Variants in CALHM5 observed in about 807,000 individuals in gnomAD.
CALHM5 encodes calcium homeostasis modulator protein 5.
In CALHM5, 17 loss-of-function variants were observed where a neutral mutation model predicts 20.9. The ratio of observed to expected loss-of-function variants is 0.82; its 90% CI spans 0.56 to 1.22. CALHM5 has a LOEUF of 1.22. Among genes scored for constraint, CALHM5 ranks in the 50% most tolerant of loss-of-function variants. CALHM5 has a pLI of 0.00. For missense variants in CALHM5, 360 were observed against 364.6 expected (o/e 0.99, Z 0.10); for synonymous variants, 148 against 140.0 (o/e 1.06, Z -0.40).
chr6:116,515,498 A>G (rs1772203878), intron 1 of CALHM5, 102 bp from the exon 2 acceptor site: 2 of 1,248,120 alleles, frequency 1.6e-6, no homozygotes, highest in Admixed American at 2.3e-5. Context: ...GAGGTATGTC[A>G]AAGACTGTGG....
intron 1 of CALHM5, among the ~76,000 whole-genome samples, chr6:116,514,519 A>G (rs62424360): frequency 0.07 from 10,706 of 152,268 alleles, 441 homozygotes; most frequent in Admixed American, 0.14. Flanking sequence ...TGTGTCCAGT[A>G]TCATTTCATT....
Position 116,515,736 on chromosome 6 carries a change from T to C in CALHM5, c.677T>C (p.Leu226Ser). The change falls in exon 2 of 2, where the codon TTG becomes TCG. Residue 226 changes from leucine to serine, a missense_variant. By Grantham distance (145) the Leu-to-Ser change is moderately radical (BLOSUM62 -2). Transcript: ENST00000368599. The part of the protein sequence containing the change: ...KTYAQKEKEQ[L>S]ENTFLDYANK... The stretch of plus-strand genomic sequence containing the variant: ...TATGCACAAAAGGAGAAGGAGCAGT[T>C]GGAAAATACATTTCTGGACTATGCC... 1 of 1,614,014 alleles carries C rather than the reference T, an allele frequency of 6.2e-7. No homozygotes were observed. The highest frequency in any genetic ancestry group is 8.5e-7 in the Non-Finnish European group (1 of 1,179,938).
At position 116,516,051 on chromosome 6, in the gene CALHM5, G is replaced by A. The variant is rs1308753365; in HGVS notation, c.*62G>A. Reference sequence around the variant, plus strand: ...ATGCTCATTCTGTGATCCTCCTAACGTATCACCAGCAACCTGTGTGTCTCT... The same window carrying A: ...ATGCTCATTCTGTGATCCTCCTAACATATCACCAGCAACCTGTGTGTCTCT... On this transcript the variant is annotated 3_prime_UTR_variant, in exon 2 of 2. Transcript: ENST00000368599. 41 of 1,503,142 alleles carry A rather than the reference G, an allele frequency of 2.7e-5. No homozygotes were observed. Among genetic ancestry groups the A allele is most frequent in the African/African-American group, 1.4e-4 (10 of 71,810 alleles). 93.1% of individuals were successfully genotyped at this position (1,503,142 alleles called of 1,614,324 possible).
chr6:116,521,834 C>T lies in CALHM5; in HGVS notation c.*5845C>T, dbSNP rs1772348924. The T allele has an allele frequency of 6.6e-6, 1 of 152,126 alleles. No homozygotes were observed. The highest frequency in any genetic ancestry group is 6.5e-5 in the Admixed American group (1 of 15,270). The allele number at this position is 152,126 out of a possible 1,614,324, so 9.4% of individuals were successfully genotyped here. A position where few individuals can be genotyped will look rare whatever the true frequency, so the allele number is the denominator to read the frequency against. On this transcript the variant is annotated 3_prime_UTR_variant, in exon 2 of 2. Transcript: ENST00000368599. ...CGTGTTATCCTCACTTTGAATCTGACCTTATGAACCAATAAAATATGGCAG... is the reference window on the plus strand; with the variant it reads ...CGTGTTATCCTCACTTTGAATCTGATCTTATGAACCAATAAAATATGGCAG...
rs1235560543 is a variant in CALHM5 at position 116,522,287 on chromosome 6, T to C, written c.*6298T>C. ...GCTTTGTAGAGAAGTCCTTGCCATG[T>C]CCTATCCAACTCCATGACCCCAAAA... On this transcript the variant is annotated 3_prime_UTR_variant, in exon 2 of 2. Coordinates refer to ENST00000368599, the MANE Select transcript of CALHM5 (RefSeq NM_153711.5). The C allele has an allele frequency of 6.6e-6, 1 of 152,224 alleles. No individual in the cohort carries two copies. The highest frequency in any genetic ancestry group is 1.5e-5 in the Non-Finnish European group (1 of 68,044). The allele number at this position is 152,224 out of a possible 1,614,324, so 9.4% of individuals were successfully genotyped here. A position where few individuals can be genotyped will look rare whatever the true frequency, so the allele number is the denominator to read the frequency against.
rs566879788 is a variant in CALHM5, at chr6:116,520,746, G to C, written c.*4757G>C. ...GAGTCAGTGAAGGTGGTGAGGGGCT[G>C]TGAGGTTGAAATATTGGAAATGTTA... On this transcript the variant is annotated 3_prime_UTR_variant, in exon 2 of 2. Coordinates refer to ENST00000368599, the MANE Select transcript of CALHM5 (RefSeq NM_153711.5). The C allele has an allele frequency of 1.3e-5, 2 of 152,504 alleles. No homozygotes were observed. Among genetic ancestry groups the C allele is most frequent in the Admixed American group, 1.3e-4 (2 of 15,270 alleles). 9.4% of individuals were successfully genotyped at this position (152,504 alleles called of 1,614,324 possible). A position where few individuals can be genotyped will look rare whatever the true frequency, so the allele number is the denominator to read the frequency against.
In CALHM5 at chr6:116,520,148, T is replaced by G. The variant is rs1487167168; in HGVS notation, c.*4159T>G. On this transcript the variant is annotated 3_prime_UTR_variant, in exon 2 of 2. Transcript: ENST00000368599. Reference sequence around the variant, plus strand: ...ATTTAATGAGAAAACGATGACATTATTGATTCAAATTAGTTGTTTCAAAGC... The same window carrying G: ...ATTTAATGAGAAAACGATGACATTAGTGATTCAAATTAGTTGTTTCAAAGC... 1 of 152,192 alleles carries G rather than the reference T, an allele frequency of 6.6e-6. No individual in the cohort carries two copies. The highest frequency in any genetic ancestry group is 1.5e-5 in the Non-Finnish European group (1 of 68,032). 9.4% of individuals were successfully genotyped at this position (152,192 alleles called of 1,614,324 possible). A position where few individuals can be genotyped will look rare whatever the true frequency, so the allele number is the denominator to read the frequency against.
chr6:116,513,720 C>T (rs931617644), intron 1 of CALHM5, among the ~76,000 whole-genome samples: 1 of 152,130 alleles, frequency 6.6e-6, no homozygotes, highest in African/African-American at 2.4e-5. Flanking sequence ...TAGTCCAGAC[C>T]AACAATAGGT....
At position 116,515,659 on chromosome 6, in the gene CALHM5, T is replaced by TCG; in HGVS notation, c.600_601insCG (p.Ala201ArgfsTer13). Reference sequence around the variant, plus strand: ...TCTTCTCTCTGCTCACCACATGTTATGCTCGCTGCCGATCTAAAGTTAGCT... The same window carrying TCG: ...TCTTCTCTCTGCTCACCACATGTTATCGGCTCGCTGCCGATCTAAAGTTAGCT... On this transcript the variant is annotated frameshift_variant, in exon 2 of 2. Transcript: ENST00000368599. LOFTEE classifies it high-confidence loss of function. 1.2e-6 allele frequency: 2 copies of TCG among 1,614,054 alleles called. No homozygotes were observed. Among genetic ancestry groups the TCG allele is most frequent in the Non-Finnish European group, 1.7e-6 (2 of 1,179,936 alleles).
At position 116,523,262 on chromosome 6, in the gene CALHM5, T is replaced by C. The variant is rs1473964529; in HGVS notation, c.*7273T>C. 6.6e-6 allele frequency: 1 copy of C among 152,216 alleles called. No homozygotes were observed. Among genetic ancestry groups the C allele is most frequent in the East Asian group, 1.9e-4 (1 of 5,188 alleles). 9.4% of individuals were successfully genotyped at this position (152,216 alleles called of 1,614,324 possible). A position where few individuals can be genotyped will look rare whatever the true frequency, so the allele number is the denominator to read the frequency against. ...CCATTCATTCAAGGATACCTTTCTA[T>C]TCATTCAAGGATATATTTTGTCCTT... is the stretch of plus-strand genomic sequence containing the variant. On this transcript the variant is annotated 3_prime_UTR_variant, in exon 2 of 2. Transcript: ENST00000368599.
At position 116,521,684 on chromosome 6, in the gene CALHM5, T is replaced by C. The variant is rs1219351550; in HGVS notation, c.*5695T>C. 6.6e-6 allele frequency: 1 copy of C among 152,158 alleles called. No individual in the cohort carries two copies. Among genetic ancestry groups the C allele is most frequent in the Admixed American group, 6.5e-5 (1 of 15,272 alleles). 9.4% of individuals were successfully genotyped at this position (152,158 alleles called of 1,614,324 possible). ...TTTTTTGGAAACACCCCTACATACATACCCAGAAATAATGCTTTAATAACT... is the reference window on the plus strand; with the variant it reads ...TTTTTTGGAAACACCCCTACATACACACCCAGAAATAATGCTTTAATAACT... On this transcript the variant is annotated 3_prime_UTR_variant, in exon 2 of 2. Transcript: ENST00000368599.
chr6:116,511,798 T>C lies in CALHM5; in HGVS notation c.102T>C (p.Phe34=). The part of the protein sequence containing the change: ...ALLTVGSERL[F]SVVAFKCPCS... ...TGACCGTGGGAAGTGAGCGTCTCTT[T>C]TCTGTTGTGGCTTTTAAGTGCCCCT... The change falls in exon 1 of 2, where the codon TTT becomes TTC. Residue 34 remains phenylalanine, a synonymous_variant. Transcript: ENST00000368599. 1 of 1,614,032 alleles carries C rather than the reference T, an allele frequency of 6.2e-7. No homozygotes were observed. Among genetic ancestry groups the C allele is most frequent in the Non-Finnish European group, 8.5e-7 (1 of 1,179,974 alleles).
At chr6:116,513,288 G>T (rs938842660) in intron 1 of CALHM5, among the ~76,000 whole-genome samples, 1 of 152,124 alleles carries the variant, frequency 6.6e-6, no homozygotes, top group Non-Finnish European at 1.5e-5. Flanking sequence ...TTCATAAATT[G>T]ATAAGTCAAA....
At position 116,523,174 on chromosome 6, in the gene CALHM5, C is replaced by A. The variant is rs1432954846; in HGVS notation, c.*7185C>A. The A allele has an allele frequency of 1.3e-5, 2 of 152,070 alleles. No individual in the cohort carries two copies. The highest frequency in any genetic ancestry group is 4.8e-5 in the African/African-American group (2 of 41,402). 9.4% of individuals were successfully genotyped at this position (152,070 alleles called of 1,614,324 possible). On this transcript the variant is annotated 3_prime_UTR_variant, in exon 2 of 2. Coordinates refer to ENST00000368599, the MANE Select transcript of CALHM5 (RefSeq NM_153711.5). ...GGCAGGCTGTAAGAAACTCAGAATC[C>A]TGGCCTGCACTCCAGATCTACTGAA...
At position 116,519,032 on chromosome 6, in the gene CALHM5, A is replaced by C. The variant is rs1289640940; in HGVS notation, c.*3043A>C. The C allele has an allele frequency of 6.6e-6, 1 of 152,250 alleles. No homozygotes were observed. Among genetic ancestry groups the C allele is most frequent in the East Asian group, 1.9e-4 (1 of 5,198 alleles). 9.4% of individuals were successfully genotyped at this position (152,250 alleles called of 1,614,324 possible). A position where few individuals can be genotyped will look rare whatever the true frequency, so the allele number is the denominator to read the frequency against. On this transcript the variant is annotated 3_prime_UTR_variant, in exon 2 of 2. Coordinates refer to ENST00000368599, the MANE Select transcript of CALHM5 (RefSeq NM_153711.5). ...CAAATAGTCCTGGAGGCAGTGGAGT[A>C]AGATAGGGAGAGCAAATTGGTGTCT...
chr6:116,513,256 G>C (rs1426486437), intron 1 of CALHM5, among the ~76,000 whole-genome samples: 1 of 152,114 alleles, frequency 6.6e-6, no homozygotes, highest in African/African-American at 2.4e-5. Flanking sequence ...CTCCAAAGCT[G>C]GTTGGCAGTA....
Position 116,512,094 on chromosome 6 carries a change from G to A in CALHM5, c.398G>A (p.Arg133Lys), listed in dbSNP as rs1772133287. The change falls in exon 1 of 2, where the codon AGA becomes AAA. Residue 133 changes from arginine (R) to lysine (K), a missense_variant. Coordinates refer to ENST00000368599, the MANE Select transcript of CALHM5 (RefSeq NM_153711.5). ...TFYECAMSGT[R>K]SSGLLELICK... ...TATGAATGTGCCATGAGCGGGACGA[G>A]AAGTTCAGGACTCCTGGAACTGATT... 1.9e-6 allele frequency: 3 copies of A among 1,614,046 alleles called. No homozygotes were observed. Among genetic ancestry groups the A allele is most frequent in the East Asian group, 4.5e-5 (2 of 44,876 alleles).
chr6:116,514,232 A>C (rs956421341), intron 1 of CALHM5, among the ~76,000 whole-genome samples: 1 of 152,146 alleles, frequency 6.6e-6, no homozygotes, highest in African/African-American at 2.4e-5. Flanking sequence ...CTGATGGAAT[A>C]GTTTATAATT....
At position 116,523,473 on chromosome 6, in the gene CALHM5, C is replaced by A. The variant is rs1240696688; in HGVS notation, c.*7484C>A. 6.6e-6 allele frequency: 1 copy of A among 152,142 alleles called. No individual in the cohort carries two copies. Among genetic ancestry groups the A allele is most frequent in the Non-Finnish European group, 1.5e-5 (1 of 68,016 alleles). 9.4% of individuals were successfully genotyped at this position (152,142 alleles called of 1,614,324 possible). ...TATTAATTTTATCTCTCTACTAATTCTTTTATTGTTTGTAGGGCTTTTCAG... is the reference window on the plus strand; with the variant it reads ...TATTAATTTTATCTCTCTACTAATTATTTTATTGTTTGTAGGGCTTTTCAG... On this transcript the variant is annotated 3_prime_UTR_variant, in exon 2 of 2. Transcript: ENST00000368599.
Sources: allele counts gnomAD v4.1 joint callset (sites outside exome capture counted in the v4.1 genomes callset), GRCh38; gene constraint gnomAD v4.1.1; transcripts MANE v1.5; gene names NCBI Gene and HGNC (gene_info 2026-07-23, HGNC 2026-07-21).